Variants in FSIP1 observed in about 807,000 individuals in gnomAD.
The protein encoded by FSIP1 is fibrous sheath interacting protein 1.
A neutral mutation model predicts 60.9 loss-of-function variants in FSIP1; 65 were observed. The ratio of observed to expected loss-of-function variants is 1.07; its 90% CI spans 0.87 to 1.31. FSIP1 has a LOEUF of 1.31. FSIP1 is among the 40% of genes most tolerant of loss of function. The pLI is 0.00. For missense variants in FSIP1, 675 were observed against 665.5 expected (o/e 1.01, Z -0.16); for synonymous variants, 209 against 221.2 (o/e 0.94, Z 0.49).
intron 7 of FSIP1, 99 bp downstream of exon 7, chr15:39,739,566 G>T: frequency 9.1e-7 from 1 of 1,101,052 alleles, no homozygotes; most frequent in African/African-American, 1.6e-5. Context: ...ATACATTTAT[G>T]ATGGTTGAAA....
intron 5 of FSIP1, among the ~76,000 whole-genome samples, chr15:39,762,598 G>C (rs943599763): frequency 3.3e-5 from 5 of 152,206 alleles, no homozygotes; most frequent in Non-Finnish European, 7.3e-5. Flanking sequence ...CCTTCATATG[G>C]CTTGCTTGGG....
intron 2 of FSIP1, among the ~76,000 whole-genome samples, chr15:39,775,913 C>T (rs991979674): frequency 2.0e-5 from 3 of 151,854 alleles, no homozygotes; most frequent in African/African-American, 4.8e-5. Flanking sequence ...AATATACCTA[C>T]CCAATATACA....
At chr15:39,650,751 G>GTA (rs1353349352) in intron 10 of FSIP1, among the ~76,000 whole-genome samples, 1 of 152,210 alleles carries the variant, frequency 6.6e-6, no homozygotes, top group African/African-American at 2.4e-5. Flanking sequence ...AGTATTCACT[G>GTA]TACAATCCTA....
Position 39,664,484 on chromosome 15 carries a change from T to A in FSIP1, c.1189-46239A>T, listed in dbSNP as rs552599949. On this transcript the variant is annotated intron_variant, in intron 10 of 11. Coordinates refer to ENST00000350221, the MANE Select transcript of FSIP1 (RefSeq NM_152597.5). ...CTACAGCAAAATCCAGCAATCAACCTGTAGCCAAGGAGCTGAATATTCATA... is the reference window on the plus strand; with the variant it reads ...CTACAGCAAAATCCAGCAATCAACCAGTAGCCAAGGAGCTGAATATTCATA... Among the ~76,000 whole-genome samples the A allele has an allele frequency of 4.8e-4, 73 of 152,288 alleles. 1 individual carries two copies. Among genetic ancestry groups the A allele is most frequent in the African/African-American group, 1.6e-3 (68 of 41,566 alleles).
intron 3 of FSIP1, among the ~76,000 whole-genome samples, chr15:39,766,703 T>C (rs71472409): frequency 1.2e-3 from 184 of 152,374 alleles, no homozygotes; most frequent in Non-Finnish European, 2.2e-3. Flanking sequence ...TGAGCATGAA[T>C]GCTCAAACAG....
intron 11 of FSIP1, among the ~76,000 whole-genome samples, chr15:39,611,058 C>T (rs575502727): frequency 6.6e-6 from 1 of 152,224 alleles, no homozygotes; most frequent in East Asian, 1.9e-4. Context: ...GTAAGTAAGA[C>T]ATAGTCATAT....
At chr15:39,729,416 T>G (rs1183225245) in intron 8 of FSIP1, among the ~76,000 whole-genome samples, 3 of 151,934 alleles carry the variant, frequency 2.0e-5, no homozygotes, top group Admixed American at 6.6e-5. Context: ...TACAAAAAAA[T>G]TTTAAAAATT....
intron 9 of FSIP1, among the ~76,000 whole-genome samples, chr15:39,726,006 G>A (rs1261648714): frequency 6.6e-6 from 1 of 152,084 alleles, no homozygotes; most frequent in African/African-American, 2.4e-5. Context: ...TGGCCAGGCT[G>A]GTCTTGAACT....
downstream of FSIP1, chr15:39,599,515 A>ACCCTC (rs372078504): frequency 6.8e-3 from 788 of 115,808 alleles, 8 homozygotes; most frequent in African/African-American, 0.025. Context: ...TTTCCTTCCT[A>ACCCTC]CCCTCCCCTC....
intron 10 of FSIP1, among the ~76,000 whole-genome samples, chr15:39,665,959 G>A (rs1208534283): frequency 6.6e-6 from 1 of 152,154 alleles, no homozygotes; most frequent in Non-Finnish European, 1.5e-5. Context: ...TTCCCAGAGA[G>A]ATTATATTCA....
intron 10 of FSIP1, among the ~76,000 whole-genome samples, chr15:39,693,918 A>G (rs951387081): frequency 6.6e-6 from 1 of 152,198 alleles, no homozygotes; most frequent in African/African-American, 2.4e-5. Flanking sequence ...AACATAGAAG[A>G]ATAGATTTTA....
intron 5 of FSIP1, among the ~76,000 whole-genome samples, chr15:39,757,817 G>A (rs1897348231): frequency 6.6e-6 from 1 of 152,158 alleles, no homozygotes; most frequent in Non-Finnish European, 1.5e-5. Context: ...AGTAGCAAGA[G>A]TGAAGTGCAA....
intron 10 of FSIP1, among the ~76,000 whole-genome samples, chr15:39,650,808 C>T (rs758554296): frequency 9.9e-5 from 15 of 152,226 alleles, no homozygotes; most frequent in Admixed American, 3.9e-4. Context: ...GAACATTCTT[C>T]GGAAGTCTCT....
intron 5 of FSIP1, among the ~76,000 whole-genome samples, chr15:39,761,727 T>C (rs1196087840): frequency 6.6e-6 from 1 of 152,252 alleles, no homozygotes; most frequent in East Asian, 1.9e-4. Context: ...TTTCAAATGG[T>C]CTCACCATAA....
intron 10 of FSIP1, among the ~76,000 whole-genome samples, chr15:39,656,358 G>C (rs936198562): frequency 6.6e-6 from 1 of 152,216 alleles, no homozygotes; most frequent in East Asian, 1.9e-4. Context: ...TACCTATAGC[G>C]CCAATGAAAG....
intron 10 of FSIP1, among the ~76,000 whole-genome samples, chr15:39,707,962 T>C (rs1895345290): frequency 6.6e-6 from 1 of 152,102 alleles, no homozygotes; most frequent in Admixed American, 6.5e-5. Flanking sequence ...AAAACTACTC[T>C]CTTGTTTGTC....
At chr15:39,604,137 G>A (rs1272854499) in intron 11 of FSIP1, among the ~76,000 whole-genome samples, 1 of 152,194 alleles carries the variant, frequency 6.6e-6, no homozygotes, top group African/African-American at 2.4e-5. Flanking sequence ...CTCCGTGTTG[G>A]TTAGGCTTGT....
At position 39,650,925 on chromosome 15, in the gene FSIP1, A is replaced by C. The variant is rs762961102; in HGVS notation, c.1189-32680T>G. On this transcript the variant is annotated intron_variant, in intron 10 of 11. Transcript: ENST00000350221. ...TTAGGTTTCCTGTCATTTGGCTTTG[A>C]GTTAACACAGGCTTTACTTGACAGG... 3.9e-5 allele frequency among the ~76,000 whole-genome samples: 6 copies of C among 152,208 alleles called. No homozygotes were observed. The South Asian group carries it at 8.3e-4, about 21-fold the overall frequency.
chr15:39,636,000 A>G (rs1251742433), intron 10 of FSIP1, among the ~76,000 whole-genome samples: 1 of 152,018 alleles, frequency 6.6e-6, no homozygotes, highest in Non-Finnish European at 1.5e-5. Context: ...AGAGCATCTC[A>G]TCAGGACCCT....
Sources: allele counts gnomAD v4.1 joint callset (sites outside exome capture counted in the v4.1 genomes callset), GRCh38; gene constraint gnomAD v4.1.1; transcripts MANE v1.5; gene names NCBI Gene and HGNC (gene_info 2026-07-23, HGNC 2026-07-21).